IL12RB2: variants seen among roughly 807,000 people sequenced by gnomAD.
IL12RB2 encodes interleukin-12 receptor subunit beta-2.
A neutral mutation model predicts 89.4 loss-of-function variants in IL12RB2; 82 were observed. That is an observed-to-expected ratio of 0.92 (90% CI 0.77 to 1.10). The LOEUF (loss-of-function observed/expected upper bound fraction) is 1.10, where lower values mean the gene tolerates loss of function less well. Among genes scored for constraint, IL12RB2 ranks in the 50% least tolerant of loss-of-function variants. IL12RB2 has a pLI of 0.00. For missense variants in IL12RB2, 963 were observed against 1,031.9 expected (o/e 0.93, Z 0.92); for synonymous variants, 368 against 370.1 (o/e 0.99, Z 0.07).
intron 11 of IL12RB2, among the ~76,000 whole-genome samples, chr1:67,370,327 G>A (rs1051961823): frequency 6.6e-6 from 1 of 152,064 alleles, no homozygotes; most frequent in Non-Finnish European, 1.5e-5. Flanking sequence ...TGGAGGCTAG[G>A]CTAGAGACCA....
intron 14 of IL12RB2, among the ~76,000 whole-genome samples, chr1:67,382,100 G>A (rs1664661429): frequency 6.6e-6 from 1 of 152,180 alleles, no homozygotes; most frequent in Admixed American, 6.5e-5. Context: ...CGTGAGATTT[G>A]GCCAAGTGCC....
chr1:67,383,790 A>G (rs1664854651), intron 14 of IL12RB2, among the ~76,000 whole-genome samples: 1 of 152,254 alleles, frequency 6.6e-6, no homozygotes, highest in Non-Finnish European at 1.5e-5. Context: ...CCTACTGCTC[A>G]AGGTCATTGC....
intron 10 of IL12RB2, among the ~76,000 whole-genome samples, chr1:67,363,949 A>G (rs1557449158): frequency 6.6e-6 from 1 of 152,258 alleles, no homozygotes; most frequent in East Asian, 1.9e-4. Flanking sequence ...CAAATAGAAA[A>G]TAGTAACACA....
chr1:67,320,236 A>G, intron 2 of IL12RB2, 97 bp from the exon 3 acceptor site: 1 of 1,562,112 alleles, frequency 6.4e-7, no homozygotes, highest in African/African-American at 1.4e-5. Context: ...AACAAGGTGG[A>G]GAAAAATAAA....
chr1:67,373,069 C>A (rs1663546772), intron 13 of IL12RB2, among the ~76,000 whole-genome samples: 1 of 152,124 alleles, frequency 6.6e-6, no homozygotes, highest in Non-Finnish European at 1.5e-5. Flanking sequence ...TATGAAGAGA[C>A]AGAATTTCAA....
chr1:67,318,656 A>G (rs1195858127), intron 2 of IL12RB2, among the ~76,000 whole-genome samples: 1 of 152,142 alleles, frequency 6.6e-6, no homozygotes, highest in African/African-American at 2.4e-5. Flanking sequence ...ATTCGCTGAG[A>G]TAGAAAAGGC....
intron 4 of IL12RB2, among the ~76,000 whole-genome samples, chr1:67,324,228 G>T (rs1656975684): frequency 6.6e-6 from 1 of 152,148 alleles, no homozygotes; most frequent in Admixed American, 6.5e-5. Context: ...ACTTTCGTTT[G>T]TTTGTTTGTT....
rs543262586 is a variant in IL12RB2, at chr1:67,313,896, C to G, written c.-124-17C>G. ...GCTATTAATGTGAACTTGAGCAAGT[C>G]CCCTCTTTTTTTCTAGGTCACGGTG... On this transcript the variant is annotated splice_polypyrimidine_tract_variant and intron_variant, in intron 1 of 16. Transcript: ENST00000674203. 6.6e-6 allele frequency: 1 copy of G among 152,212 alleles called. No individual in the cohort carries two copies. The highest frequency in any genetic ancestry group is 2.1e-4 in the South Asian group (1 of 4,814). The allele number at this position is 152,212 out of a possible 1,614,324, so 9.4% of individuals were successfully genotyped here.
chr1:67,362,589 A>G (rs1470219202), intron 10 of IL12RB2, among the ~76,000 whole-genome samples: 37 of 149,250 alleles, frequency 2.5e-4, no homozygotes, highest in Admixed American at 1.3e-3. Flanking sequence ...AAAAAAAAAA[A>G]AAAGAAAAAG....
rs372081562 is a variant in IL12RB2 at position 67,397,312 on chromosome 1, T to C, written c.*1223T>C. Among the ~76,000 whole-genome samples, 4 of 152,202 alleles carry C rather than the reference T, an allele frequency of 2.6e-5. No homozygotes were observed. In the East Asian group the frequency reaches 5.8e-4, roughly 22 times the overall value. On this transcript the variant is annotated 3_prime_UTR_variant, in exon 17 of 17. Coordinates refer to ENST00000674203, the MANE Select transcript of IL12RB2 (RefSeq NM_001374259.2). ...CTCCCACTCTGAATCTCGGGTGTCT[T>C]GTAAAGGGCTGGACCAAAGGCTCCC... is the stretch of plus-strand genomic sequence containing the variant.
intron 4 of IL12RB2, among the ~76,000 whole-genome samples, chr1:67,326,024 C>T (rs141256739): frequency 2.8e-4 from 42 of 152,210 alleles, no homozygotes; most frequent in Middle Eastern, 3.4e-3. Context: ...GTGCTTGGCT[C>T]GTGGGAGGTA....
intron 13 of IL12RB2, among the ~76,000 whole-genome samples, chr1:67,373,275 A>G (rs938855491): frequency 6.6e-6 from 1 of 152,062 alleles, no homozygotes; most frequent in Non-Finnish European, 1.5e-5. Flanking sequence ...TGTCCAGCTA[A>G]TTTTTTAATT....
At chr1:67,352,922 T>C (rs1002115027) in intron 10 of IL12RB2, among the ~76,000 whole-genome samples, 4 of 152,190 alleles carry the variant, frequency 2.6e-5, no homozygotes, top group African/African-American at 9.6e-5. Flanking sequence ...TTGGTACAAC[T>C]TACTAGGGAG....
Position 67,396,502 on chromosome 1 carries a change from A to G in IL12RB2, c.*413A>G, listed in dbSNP as rs1255973326. The stretch of plus-strand genomic sequence containing the variant: ...CACAGCAGGCTGTACACAGCAGATC[A>G]GTACTGTTCAACAGAACTTCCTGAG... On this transcript the variant is annotated 3_prime_UTR_variant, in exon 17 of 17. Transcript: ENST00000674203. The G allele has an allele frequency of 7.3e-6, 2 of 273,988 alleles. No homozygotes were observed. Among genetic ancestry groups the G allele is most frequent in the South Asian group, 9.0e-5 (2 of 22,280 alleles). 17.0% of individuals were successfully genotyped at this position (273,988 alleles called of 1,614,324 possible). A position where few individuals can be genotyped will look rare whatever the true frequency, so the allele number is the denominator to read the frequency against.
intron 10 of IL12RB2, among the ~76,000 whole-genome samples, chr1:67,367,364 C>T (rs904358904): frequency 2.0e-5 from 3 of 150,600 alleles, no homozygotes; most frequent in Non-Finnish European, 4.4e-5. Flanking sequence ...CACTGCACTC[C>T]AGCCTGGGTG....
chr1:67,326,042 C>T (rs561755734), intron 4 of IL12RB2, among the ~76,000 whole-genome samples: 2 of 152,252 alleles, frequency 1.3e-5, no homozygotes, highest in South Asian at 4.1e-4. Flanking sequence ...GTACTCAATG[C>T]CTATGTACAC....
At chr1:67,311,903 TACTC>T (rs749034379) in intron 1 of IL12RB2, among the ~76,000 whole-genome samples, 105 of 152,270 alleles carry the variant, frequency 6.9e-4, no homozygotes, top group Admixed American at 1.1e-3. Context: ...TTTATGAAAA[TACTC>T]AGTGGTTGCT....
chr1:67,382,258 G>A (rs574110159), intron 14 of IL12RB2, among the ~76,000 whole-genome samples: 21 of 152,166 alleles, frequency 1.4e-4, no homozygotes, highest in South Asian at 8.3e-4. Flanking sequence ...GATTGTATGG[G>A]GTAGAAAAAA....
chr1:67,382,071 A>G (rs887197561), intron 14 of IL12RB2, among the ~76,000 whole-genome samples: 1 of 152,228 alleles, frequency 6.6e-6, no homozygotes, highest in African/African-American at 2.4e-5. Context: ...CCCAGAAAGG[A>G]AAGCAGATGC....
Sources: allele counts gnomAD v4.1 joint callset (sites outside exome capture counted in the v4.1 genomes callset), GRCh38; gene constraint gnomAD v4.1.1; transcripts MANE v1.5; gene names NCBI Gene and HGNC (gene_info 2026-07-23, HGNC 2026-07-21).